CDADC1: variants seen among roughly 807,000 people sequenced by gnomAD.
The protein encoded by CDADC1 is dCTP deaminase.
CDADC1 carries 39 observed loss-of-function variants against 54.9 expected under a neutral mutation model. The observed-to-expected ratio is 0.71, with a 90% CI of 0.55 to 0.93. The LOEUF is 0.93. CDADC1 is among the 40% of genes least tolerant of loss of function. The pLI, the probability that CDADC1 is intolerant of heterozygous loss-of-function variation, is 0.00. For missense variants in CDADC1, 518 were observed against 618.8 expected (o/e 0.84, Z 1.73); for synonymous variants, 186 against 204.0 (o/e 0.91, Z 0.75).
In CDADC1 at chr13:49,274,313, G is replaced by T; in HGVS notation, c.1023G>T (p.Gly341=). 1 of 1,610,540 alleles carries T rather than the reference G, an allele frequency of 6.2e-7. No homozygotes were observed. The highest frequency in any genetic ancestry group is 8.5e-7 in the Non-Finnish European group (1 of 1,177,528). ...YRTEDHKTGV[G]AVIWAEGKSR... is the part of the protein sequence containing the mutation. Reference sequence around the variant, plus strand: ...CAGAGGATCATAAAACAGGAGTTGGGGCAGTCATTTGGGCAGAAGGGAAAT... The same window carrying T: ...CAGAGGATCATAAAACAGGAGTTGGTGCAGTCATTTGGGCAGAAGGGAAAT... Residue 341 remains glycine, a synonymous_variant, in exon 6 of 10, where the codon GGG becomes GGT. Transcript: ENST00000251108.
chr13:49,276,249 G>A (rs575477383), intron 6 of CDADC1, among the ~76,000 whole-genome samples: 4 of 152,222 alleles, frequency 2.6e-5, no homozygotes, highest in South Asian at 2.1e-4. Context: ...GGCTAGTGGC[G>A]ACTGTATGGG....
chr13:49,278,387 G>T lies in CDADC1; in HGVS notation c.1088G>T (p.Gly363Val), dbSNP rs769426299. The T allele has an allele frequency of 3.3e-5, 53 of 1,594,804 alleles. No individual in the cohort carries two copies. Among genetic ancestry groups the T allele is most frequent in the Non-Finnish European group, 4.5e-5 (52 of 1,165,588 alleles). The change falls in exon 7 of 10, where the codon GGA becomes GTA. Residue 363 changes from glycine to valine, a missense_variant. Coordinates refer to ENST00000251108, the MANE Select transcript of CDADC1 (RefSeq NM_030911.4). ...GGAACAGGTGCCATGTACTTTGTAG[G>T]ATGTGGTTACAATGCTTTTCCTGTT... ...CDGTGAMYFV[G>V]CGYNAFPVGS...
intron 3 of CDADC1, among the ~76,000 whole-genome samples, chr13:49,257,249 C>T (rs1952567178): frequency 6.6e-6 from 1 of 152,080 alleles, no homozygotes; most frequent in South Asian, 2.1e-4. Flanking sequence ...TAAACTCGAC[C>T]CAAAAGATTG....
At chr13:49,282,103 C>T (rs1953359953) in intron 8 of CDADC1, among the ~76,000 whole-genome samples, 1 of 152,126 alleles carries the variant, frequency 6.6e-6, no homozygotes, top group Admixed American at 6.5e-5. Context: ...TAGGCATGAG[C>T]CACCACGACT....
intron 2 of CDADC1, among the ~76,000 whole-genome samples, chr13:49,254,404 CT>C (rs11311095): frequency 0.82 from 95,509 of 116,286 alleles, 38,250 homozygotes; most frequent in South Asian, 0.91. Context: ...CTATCCCACC[CT>C]TTTTTTTTTT....
rs3751418 is a variant in CDADC1 at position 49,292,733 on chromosome 13, G to C, written c.*976G>C. 0.45 allele frequency: 576,305 copies of C among 1,267,512 alleles called. 135,253 individuals carry two copies. Among genetic ancestry groups the C allele is most frequent in the South Asian group, 0.54 (41,253 of 77,040 alleles). 78.5% of individuals were successfully genotyped at this position (1,267,512 alleles called of 1,614,324 possible). A position where few individuals can be genotyped will look rare whatever the true frequency, so the allele number is the denominator to read the frequency against. On this transcript the variant is annotated 3_prime_UTR_variant, in exon 10 of 10. Coordinates refer to ENST00000251108, the MANE Select transcript of CDADC1 (RefSeq NM_030911.4). ...ATTTTTATTTGCTGAGAAACATTCA[G>C]AAAATTATTCCAAAAATGAAGGTAC...
At chr13:49,249,648 C>T (rs1043302548) in intron 2 of CDADC1, among the ~76,000 whole-genome samples, 2 of 152,054 alleles carry the variant, frequency 1.3e-5, no homozygotes, top group Admixed American at 6.6e-5. Context: ...GCATGAGAAT[C>T]GCTTGAACGA....
chr13:49,257,357 A>G (rs889778193), intron 3 of CDADC1, among the ~76,000 whole-genome samples: 2 of 152,140 alleles, frequency 1.3e-5, no homozygotes, highest in African/African-American at 4.8e-5. Context: ...CTGTTTAACT[A>G]GGAAAATCTA....
intron 4 of CDADC1, 149 bp downstream of exon 4, chr13:49,259,672 G>A: frequency 1.5e-6 from 1 of 682,978 alleles, no homozygotes; most frequent in South Asian, 2.1e-5. Context: ...GCAACATAGG[G>A]AGACCTCATC....
chr13:49,287,476 A>ATCTATCTATCTG lies in CDADC1; in HGVS notation c.1471+1205_1471+1206insGTCTATCTATCT, dbSNP rs1953553634. Among the ~76,000 whole-genome samples the ATCTATCTATCTG allele has an allele frequency of 3.4e-4, 5 of 14,916 alleles. No individual in the cohort carries two copies. In the South Asian group the frequency reaches 0.041, roughly 122 times the overall value. The allele number at this position is 14,916 out of a possible 152,430, so 9.8% of individuals were successfully genotyped here. ...TTAGCAAAAAAGGCTGTATCTATCT[A>ATCTATCTATCTG]TCTATCTATCTATCTATCTATCTAT... On this transcript the variant is annotated intron_variant, in intron 9 of 9. Transcript: ENST00000251108.
At chr13:49,262,616 C>T (rs1443266263) in intron 4 of CDADC1, among the ~76,000 whole-genome samples, 1 of 152,194 alleles carries the variant, frequency 6.6e-6, no homozygotes, top group Non-Finnish European at 1.5e-5. Context: ...TTGCAACCCC[C>T]GCCTCCCAGG....
At chr13:49,251,555 T>G (rs894744557) in intron 2 of CDADC1, among the ~76,000 whole-genome samples, 4 of 149,706 alleles carry the variant, frequency 2.7e-5, no homozygotes, top group South Asian at 4.2e-4. Flanking sequence ...TGAAATTAAG[T>G]TTTTTTTTTC....
intron 2 of CDADC1, among the ~76,000 whole-genome samples, chr13:49,250,571 A>AGAT (rs1228014367): frequency 6.6e-6 from 1 of 152,194 alleles, no homozygotes; most frequent in African/African-American, 2.4e-5. Context: ...GAGCAATGAG[A>AGAT]GAATTTGTGG....
rs188141947 is a variant in CDADC1, at chr13:49,284,830, C to T, written c.1411-1392C>T. ...AACTGATGCTTATGGAAGAGGCTCC[C>T]GGGTAATCCATATTTGTGTCCTGAG... On this transcript the variant is annotated intron_variant, in intron 8 of 9. Transcript: ENST00000251108. Among the ~76,000 whole-genome samples, 61 of 152,282 alleles carry T rather than the reference C, an allele frequency of 4.0e-4. No homozygotes were observed. In the East Asian group the frequency reaches 6.2e-3, roughly 15 times the overall value.
intron 6 of CDADC1, among the ~76,000 whole-genome samples, chr13:49,275,164 C>T (rs545771522): frequency 1.5e-4 from 22 of 150,924 alleles, no homozygotes; most frequent in African/African-American, 5.4e-4. Flanking sequence ...TGGCTCACTG[C>T]AACCTCTGCC....
In CDADC1 at chr13:49,248,087, G is replaced by A. The variant is rs147104571; in HGVS notation, c.50G>A (p.Arg17Gln). The change falls in exon 1 of 10, where the codon CGG (arginine) becomes CAG (glutamine). Residue 17 changes from arginine (R) to glutamine (Q), a missense_variant. Arg to Gln is a conservative substitution (Grantham distance 43, BLOSUM62 1). Transcript: ENST00000251108. The part of the protein sequence containing the change: ...MQNLESARAG[R>Q]SVSTQTGSMT... The stretch of plus-strand genomic sequence containing the variant: ...AATCTGGAGAGCGCGAGGGCCGGGC[G>A]GTCAGTCAGCACCCAGACTGGCAGC... 3 of 1,553,432 alleles carry A rather than the reference G, an allele frequency of 1.9e-6. No individual in the cohort carries two copies. Among genetic ancestry groups the A allele is most frequent in the East Asian group, 2.4e-5 (1 of 41,020 alleles).
intron 8 of CDADC1, among the ~76,000 whole-genome samples, chr13:49,282,532 T>G (rs1953381135): frequency 6.6e-6 from 1 of 152,200 alleles, no homozygotes; most frequent in Non-Finnish European, 1.5e-5. Context: ...CACCCTTTAT[T>G]TCCTCAAATG....
In CDADC1 at chr13:49,259,537, A is replaced by C. The variant is rs762607170; in HGVS notation, c.430+14A>C. 29 of 1,612,104 alleles carry C rather than the reference A, an allele frequency of 1.8e-5. No homozygotes were observed. The highest frequency in any genetic ancestry group is 2.5e-5 in the Non-Finnish European group (29 of 1,178,494). ...TGATTGTAAATGGTAAGTGCAGAAAAGGGTTTGTTGGGGATTAAGAGTATT... is the reference window on the plus strand; with the variant it reads ...TGATTGTAAATGGTAAGTGCAGAAACGGGTTTGTTGGGGATTAAGAGTATT... On this transcript the variant is annotated intron_variant, in intron 4 of 9. Transcript: ENST00000251108.
chr13:49,277,430 GTC>G (rs1953179344), intron 6 of CDADC1, among the ~76,000 whole-genome samples: 1 of 151,984 alleles, frequency 6.6e-6, no homozygotes, highest in South Asian at 2.1e-4. Flanking sequence ...GTGAGACCCT[GTC>G]TCTAAATAAA....
Sources: gnomAD v4.1 joint callset for allele counts (sites outside exome capture counted in the v4.1 genomes callset) on GRCh38, gnomAD v4.1.1 for gene constraint, MANE v1.5 for transcripts, NCBI Gene and HGNC (gene_info 2026-07-23, HGNC 2026-07-21) for gene names.